Variants in GNB1L observed in about 807,000 individuals in gnomAD.
GNB1L encodes the protein G protein subunit beta 1 like, also known as guanine nucleotide-binding protein subunit beta-like protein 1.
In GNB1L, 20 loss-of-function variants were observed where a neutral mutation model predicts 29.1. That is an observed-to-expected ratio of 0.69 (90% confidence interval 0.48 to 1.00). The LOEUF is 1.00. Ranked by LOEUF, GNB1L falls within the 50% of genes least tolerant of loss-of-function variation. The pLI, the probability that GNB1L is intolerant of heterozygous loss-of-function variation, is 0.00. For missense variants in GNB1L, 421 were observed against 464.9 expected, an observed-to-expected ratio of 0.91 and a Z score of 0.87; for synonymous variants, 193 against 206.5, an observed-to-expected ratio of 0.93 and a Z score of 0.56.
In GNB1L at chr22:19,828,755, T is replaced by C. The variant is rs1171005064; in HGVS notation, c.-20-7380A>G. Among the ~76,000 whole-genome samples the C allele has an allele frequency of 2.6e-5, 4 of 151,482 alleles. No individual in the cohort carries two copies. The East Asian group carries it at 7.7e-4, about 29-fold the overall frequency. ...CTATATAACAGAGATACCACCTCTA[T>C]AGAGCAGAAACGACAGGAGATGCAG... is the stretch of plus-strand genomic sequence containing the variant. On this transcript the variant is annotated intron_variant, in intron 2 of 7. Coordinates refer to ENST00000329517, the MANE Select transcript of GNB1L (RefSeq NM_053004.3).
intron 2 of GNB1L, chr22:19,847,701 A>C (rs763812481): frequency 3.5e-5 from 34 of 984,164 alleles, no homozygotes; most frequent in Non-Finnish European, 3.9e-5. Context: ...TACGTGGTCA[A>C]ATTATATTAT....
chr22:19,815,233 G>A (rs116005462), intron 4 of GNB1L, among the ~76,000 whole-genome samples: 61 of 152,286 alleles, frequency 4.0e-4, no homozygotes, highest in African/African-American at 1.4e-3. Flanking sequence ...TGCGGTGTGC[G>A]GTGTGCAGTT....
At chr22:19,843,395 T>TGAGGCAGG (rs1203010389) in intron 2 of GNB1L, among the ~76,000 whole-genome samples, 6 of 152,178 alleles carry the variant, frequency 3.9e-5, no homozygotes, top group South Asian at 2.1e-4. Context: ...AGAATTCCGG[T>TGAGGCAGG]GAGGCAGGGA....
At chr22:19,853,755 C>A (rs371088265) in intron 2 of GNB1L, among the ~76,000 whole-genome samples, 1 of 152,108 alleles carries the variant, frequency 6.6e-6, no homozygotes, top group African/African-American at 2.4e-5. Context: ...CAGCCCATGA[C>A]CCTGGCTTCC....
chr22:19,845,988 C>A (rs1937951238), intron 2 of GNB1L: 1 of 152,204 alleles, frequency 6.6e-6, no homozygotes, highest in African/African-American at 2.4e-5. Context: ...GCGGGTAGGC[C>A]AGGCATGGCT....
intron 2 of GNB1L, among the ~76,000 whole-genome samples, chr22:19,824,339 C>T (rs1937602532): frequency 1.3e-5 from 2 of 152,158 alleles, no homozygotes; most frequent in East Asian, 1.9e-4. Context: ...GAGCAAAGGC[C>T]GCCCTTGCGC....
chr22:19,854,567 C>G (rs548346911), intron 1 of GNB1L, 28 bp from the exon 2 acceptor site: 2 of 152,908 alleles, frequency 1.3e-5, no homozygotes, highest in African/African-American at 4.8e-5. Flanking sequence ...AGATCGGCCG[C>G]CGTGAGGCCA....
chr22:19,799,772 CG>C (rs1327556275), intron 7 of GNB1L, among the ~76,000 whole-genome samples: 1 of 152,184 alleles, frequency 6.6e-6, no homozygotes, highest in African/African-American at 2.4e-5. Flanking sequence ...TGCTTGCTCC[CG>C]GGTGGCAAGA....
chr22:19,801,986 G>T lies in GNB1L; in HGVS notation c.732+15C>A. On this transcript the variant is annotated intron_variant, in intron 7 of 7. Coordinates refer to ENST00000329517, the MANE Select transcript of GNB1L (RefSeq NM_053004.3). Reference sequence around the variant, plus strand: ...CAGAGCAGGATAAATGAGACCCGGGGCCTGGCGCACTGACCTGCAGGGCCT... The same window carrying T: ...CAGAGCAGGATAAATGAGACCCGGGTCCTGGCGCACTGACCTGCAGGGCCT... 1 of 1,556,770 alleles carries T rather than the reference G, an allele frequency of 6.4e-7. No homozygotes were observed. Among genetic ancestry groups the T allele is most frequent in the Non-Finnish European group, 8.7e-7 (1 of 1,149,218 alleles).
chr22:19,807,476 C>A (rs1937449840), intron 5 of GNB1L, among the ~76,000 whole-genome samples: 1 of 152,138 alleles, frequency 6.6e-6, no homozygotes, highest in Admixed American at 6.5e-5. Context: ...CAGCACTGAA[C>A]TTCCCCAGGT....
chr22:19,853,598 C>T (rs1055159151), intron 2 of GNB1L, among the ~76,000 whole-genome samples: 2 of 152,194 alleles, frequency 1.3e-5, no homozygotes, highest in East Asian at 1.9e-4. Context: ...GCCATCCCCC[C>T]TCAGGGTGAG....
chr22:19,803,700 T>G (rs1937400910), intron 6 of GNB1L, among the ~76,000 whole-genome samples: 1 of 152,162 alleles, frequency 6.6e-6, no homozygotes, highest in Non-Finnish European at 1.5e-5. Context: ...GTGGTGCGTC[T>G]GAACTCACAG....
At chr22:19,851,300 C>A in intron 2 of GNB1L, 1 of 1,613,982 alleles carries the variant, frequency 6.2e-7, no homozygotes, top group East Asian at 2.2e-5. Context: ...GGGTTTTGGA[C>A]CTCCTGGATG....
intron 2 of GNB1L, among the ~76,000 whole-genome samples, chr22:19,842,455 C>T (rs777603793): frequency 4.6e-5 from 7 of 152,220 alleles, no homozygotes; most frequent in Admixed American, 2.0e-4. Context: ...ACCAAGGCCT[C>T]GGGGGCCAGG....
chr22:19,816,746 G>A lies in GNB1L; in HGVS notation c.254+3852C>T, dbSNP rs1021075199. 2.6e-5 allele frequency among the ~76,000 whole-genome samples: 4 copies of A among 151,970 alleles called. No individual in the cohort carries two copies. Among genetic ancestry groups the A allele is most frequent in the Non-Finnish European group, 4.4e-5 (3 of 67,996 alleles). ...GTTCTTTCTCACCTTCCCCCTTCTC[G>A]TGTCTGTAACTCTCCTCTCTGGGCA... On this transcript the variant is annotated intron_variant, in intron 4 of 7. Transcript: ENST00000329517. The surrounding 1 kb of genome is among the most constrained non-coding windows in gnomAD (Gnocchi z 4.4).
intron 5 of GNB1L, among the ~76,000 whole-genome samples, chr22:19,808,220 T>A (rs1416223934): frequency 6.6e-6 from 1 of 152,106 alleles, no homozygotes; most frequent in Non-Finnish European, 1.5e-5. Context: ...CACAAACGCA[T>A]GCACACACAC....
intron 7 of GNB1L, among the ~76,000 whole-genome samples, chr22:19,790,635 C>T (rs1937243259): frequency 6.6e-6 from 1 of 152,122 alleles, no homozygotes; most frequent in Non-Finnish European, 1.5e-5. Context: ...TAAGATCACA[C>T]CACTGCACTC....
chr22:19,823,228 G>A (rs189728499), intron 2 of GNB1L, among the ~76,000 whole-genome samples: 29 of 152,320 alleles, frequency 1.9e-4, no homozygotes, highest in African/African-American at 6.7e-4. Context: ...GAGAGGTTTC[G>A]TCCTCTCTCA....
intron 2 of GNB1L, among the ~76,000 whole-genome samples, chr22:19,827,635 C>G (rs1247817021): frequency 6.6e-6 from 1 of 152,158 alleles, no homozygotes; most frequent in Non-Finnish European, 1.5e-5. Context: ...CCTGTCAAAA[C>G]TACAATGTGA....
Sources: allele counts gnomAD v4.1 joint callset (sites outside exome capture counted in the v4.1 genomes callset), GRCh38; gene constraint gnomAD v4.1.1; non-coding constraint Gnocchi (gnomAD v3.1); transcripts MANE v1.5; gene names NCBI Gene and HGNC (gene_info 2026-07-23, HGNC 2026-07-21).